SLC24A2: variants seen among roughly 807,000 people sequenced by gnomAD.
The protein encoded by SLC24A2 is solute carrier family 24 member 2.
A neutral mutation model predicts 62.0 loss-of-function variants in SLC24A2; 36 were observed. The ratio of observed to expected loss-of-function variants is 0.58; its 90% CI spans 0.44 to 0.77. The LOEUF (loss-of-function observed/expected upper bound fraction) is 0.77, where lower values mean the gene tolerates loss of function less well. Among genes scored for constraint, SLC24A2 ranks in the 30% least tolerant of loss-of-function variants. The pLI is 0.00. For synonymous variants in SLC24A2, 358 were observed against 294.0 expected (o/e 1.22, Z -2.23); for missense variants, 846 against 817.9 (o/e 1.03, Z -0.42).
chr9:19,878,725 A>G, the SLC24A2 span, among the ~76,000 whole-genome samples: 2 of 152,098 alleles, frequency 1.3e-5, no homozygotes, highest in African/African-American at 4.8e-5. Flanking sequence ...GCCTTCTGCC[A>G]TGATTGTAAG....
intron 9 of SLC24A2, among the ~76,000 whole-genome samples, chr9:19,521,930 G>A (rs1236410693): frequency 6.6e-6 from 1 of 150,768 alleles, no homozygotes; most frequent in South Asian, 2.1e-4. Context: ...TTCTATTTTG[G>A]AAGGTTGGTC....
chr9:20,063,994 T>C, the SLC24A2 span, among the ~76,000 whole-genome samples: 3 of 152,088 alleles, frequency 2.0e-5, no homozygotes, highest in African/African-American at 7.2e-5. Context: ...ACCTGAGAAA[T>C]AAAAACATAT....
chr9:19,678,631 T>C (rs895888910), intron 2 of SLC24A2, among the ~76,000 whole-genome samples: 1 of 152,210 alleles, frequency 6.6e-6, no homozygotes, highest in Non-Finnish European at 1.5e-5. Flanking sequence ...TCTGAAGATC[T>C]CCCTATAATT....
the SLC24A2 span, among the ~76,000 whole-genome samples, chr9:20,111,096 C>T: frequency 6.6e-6 from 1 of 152,184 alleles, no homozygotes. Flanking sequence ...TTCACTTTCC[C>T]TTTTCCATCT....
At chr9:20,170,047 T>C in the SLC24A2 span, among the ~76,000 whole-genome samples, 3 of 150,450 alleles carry the variant, frequency 2.0e-5, no homozygotes, top group South Asian at 6.3e-4. Context: ...CTCTGGAAAA[T>C]CTCAGCAATA....
At chr9:20,022,298 A>T in the SLC24A2 span, among the ~76,000 whole-genome samples, 1 of 152,246 alleles carries the variant, frequency 6.6e-6, no homozygotes, top group African/African-American at 2.4e-5. Context: ...AAACTTATTC[A>T]ATCCTTATCA....
the SLC24A2 span, among the ~76,000 whole-genome samples, chr9:19,887,766 T>G: frequency 6.6e-6 from 1 of 152,120 alleles, no homozygotes; most frequent in African/African-American, 2.4e-5. Context: ...CCAGCCCAAA[T>G]GCCCATCAAC....
At chr9:19,854,367 G>A in the SLC24A2 span, among the ~76,000 whole-genome samples, 5 of 150,998 alleles carry the variant, frequency 3.3e-5, no homozygotes, top group African/African-American at 7.3e-5. Flanking sequence ...TTAGTTCTTG[G>A]TTCTCTAGTT....
chr9:20,217,297 A>G, the SLC24A2 span, among the ~76,000 whole-genome samples: 1 of 152,218 alleles, frequency 6.6e-6, no homozygotes. Context: ...TCAGCTTAGC[A>G]GTTACCTTTG....
the SLC24A2 span, among the ~76,000 whole-genome samples, chr9:20,149,500 G>A: frequency 5.1e-5 from 4 of 78,180 alleles, no homozygotes; most frequent in Non-Finnish European, 1.0e-4. Context: ...TAATGGGCTC[G>A]ATGATAAATA....
At chr9:19,883,658 T>C in the SLC24A2 span, among the ~76,000 whole-genome samples, 475 of 151,822 alleles carry the variant, frequency 3.1e-3, 3 homozygotes, top group Non-Finnish European at 5.7e-3. Context: ...CTCCGCCTCC[T>C]GGGTTCAAGC....
chr9:19,820,042 C>CATATAT, the SLC24A2 span, among the ~76,000 whole-genome samples: 23 of 32,884 alleles, frequency 7.0e-4, 1 homozygote, highest in African/African-American at 1.5e-3. Context: ...TATATATATA[C>CATATAT]ATATATATAT....
intron 2 of SLC24A2, among the ~76,000 whole-genome samples, chr9:19,739,719 A>G (rs1245233085): frequency 1.3e-5 from 2 of 152,246 alleles, no homozygotes; most frequent in Non-Finnish European, 2.9e-5. Flanking sequence ...AAAAGCTTCT[A>G]TAACACAGGT....
At chr9:19,588,424 T>C (rs1284354985) in intron 5 of SLC24A2, among the ~76,000 whole-genome samples, 1 of 152,084 alleles carries the variant, frequency 6.6e-6, no homozygotes, top group Non-Finnish European at 1.5e-5. Context: ...ATAGCAATGA[T>C]CTTGAGGTAT....
chr9:20,210,840 AT>A, the SLC24A2 span, among the ~76,000 whole-genome samples: 1 of 151,684 alleles, frequency 6.6e-6, no homozygotes, highest in Non-Finnish European at 1.5e-5. Flanking sequence ...GTGCCAAGGG[AT>A]GGGGCTTGTA....
At chr9:19,600,744 C>G (rs1422790933) in intron 4 of SLC24A2, among the ~76,000 whole-genome samples, 1 of 152,062 alleles carries the variant, frequency 6.6e-6, no homozygotes, top group Non-Finnish European at 1.5e-5. Flanking sequence ...TGACTCAGGC[C>G]ATATTTCACC....
At chr9:19,843,380 C>T in the SLC24A2 span, among the ~76,000 whole-genome samples, 7 of 152,226 alleles carry the variant, frequency 4.6e-5, no homozygotes, top group South Asian at 2.1e-4. Flanking sequence ...GGCGTGGTGG[C>T]GCATGCCTGT....
chr9:20,113,766 T>C, the SLC24A2 span, among the ~76,000 whole-genome samples: 1 of 152,344 alleles, frequency 6.6e-6, no homozygotes, highest in East Asian at 1.9e-4. Flanking sequence ...TAAACTATAA[T>C]GCTTTGATGA....
At chr9:19,551,280 C>G (rs952473526) in intron 7 of SLC24A2, among the ~76,000 whole-genome samples, 1 of 152,318 alleles carries the variant, frequency 6.6e-6, no homozygotes, top group Non-Finnish European at 1.5e-5. Flanking sequence ...GACAGTGAAC[C>G]TGCACGGGGT....
Sources: allele counts gnomAD v4.1 joint callset (sites outside exome capture counted in the v4.1 genomes callset), GRCh38; gene constraint gnomAD v4.1.1; transcripts MANE v1.5; gene names NCBI Gene and HGNC (gene_info 2026-07-23, HGNC 2026-07-21).